Variants in MGST1 observed in about 807,000 individuals in gnomAD.
MGST1 encodes glutathione S-transferase 12.
Under a neutral mutation model 8.9 loss-of-function variants are expected in MGST1, and 5 were observed. The ratio of observed to expected loss-of-function variants is 0.56; its 90% CI spans 0.29 to 1.19. The LOEUF (loss-of-function observed/expected upper bound fraction) is 1.19, where lower values mean the gene tolerates loss of function less well. MGST1 is among the 50% of genes most tolerant of loss of function. MGST1 has a pLI of 0.08. For synonymous variants in MGST1, 54 were observed against 67.8 expected, an observed-to-expected ratio of 0.80 and a Z score of 1.00; for missense variants, 182 against 187.4, an observed-to-expected ratio of 0.97 and a Z score of 0.17.
At chr12:16,441,091 G>T (rs905729357), downstream of MGST1, among the ~76,000 whole-genome samples, 16 of 151,464 alleles carry the variant, frequency 1.1e-4, no homozygotes, top group East Asian at 2.9e-3. Context: ...TATATATTTG[G>T]ATACAATTCC....
downstream of MGST1, among the ~76,000 whole-genome samples, chr12:16,590,130 C>T (rs954850113): frequency 6.6e-6 from 1 of 152,012 alleles, no homozygotes; most frequent in East Asian, 1.9e-4. Context: ...TAAACTTAAA[C>T]ATTTTTAAAA....
chr12:16,464,195 C>T (rs749750645), intron 4 of MGST1, among the ~76,000 whole-genome samples: 23 of 152,108 alleles, frequency 1.5e-4, no homozygotes, highest in Non-Finnish European at 2.4e-4. Context: ...AATGGTCAAC[C>T]GCAGTTACTA....
rs920122313 is a variant in MGST1 at position 16,585,872 on chromosome 12, G to A, written n.483-3656G>A. 6.6e-6 allele frequency among the ~76,000 whole-genome samples: 1 copy of A among 152,094 alleles called. No individual in the cohort carries two copies. On this transcript the variant is annotated intron_variant and non_coding_transcript_variant, in intron 4 of 4. Transcript: ENST00000538857. The surrounding 1 kb of genome is among the most constrained non-coding windows in gnomAD (Gnocchi z 4.7). ...ATGTCAACATGTATATGATTCACAG[G>A]CCCAAGTAAAACATCATTTAGTCAT...
rs918851757 is a variant in MGST1, at chr12:16,556,811, G to A, written n.483-32717G>A. Among the ~76,000 whole-genome samples the A allele has an allele frequency of 5.9e-5, 9 of 152,092 alleles. No individual in the cohort carries two copies. The East Asian group carries it at 1.2e-3, about 20-fold the overall frequency. Reference sequence around the variant, plus strand: ...ACTGATGAAGATTAGCTGACTTCCCGCATTAGTTTGTCTTGTAGGGGCTGA... The same window carrying A: ...ACTGATGAAGATTAGCTGACTTCCCACATTAGTTTGTCTTGTAGGGGCTGA... On this transcript the variant is annotated intron_variant and non_coding_transcript_variant, in intron 4 of 4. Transcript: ENST00000538857.
chr12:16,453,090 G>C (rs1047382033), intron 4 of MGST1, among the ~76,000 whole-genome samples: 4 of 151,878 alleles, frequency 2.6e-5, no homozygotes, highest in African/African-American at 9.7e-5. Flanking sequence ...AGTCTTATAA[G>C]AAAAACAAAA....
At chr12:16,488,313 C>A (rs1941413655) in intron 4 of MGST1, among the ~76,000 whole-genome samples, 1 of 152,258 alleles carries the variant, frequency 6.6e-6, no homozygotes, top group African/African-American at 2.4e-5. Flanking sequence ...ATACTTAGAG[C>A]ATGTAAGACC....
intron 1 of MGST1, among the ~76,000 whole-genome samples, chr12:16,393,332 T>C (rs1369762103): frequency 1.3e-5 from 2 of 152,222 alleles, no homozygotes; most frequent in Non-Finnish European, 1.5e-5. Context: ...AGCTTTAGCT[T>C]CCTGCAGTTT....
chr12:16,581,879 A>T (rs537909856), intron 4 of MGST1, among the ~76,000 whole-genome samples: 8 of 152,110 alleles, frequency 5.3e-5, no homozygotes, highest in African/African-American at 1.9e-4. Context: ...TATAAATTTG[A>T]TTTACTTTTT....
At chr12:16,561,977 T>C (rs1199304238) in intron 4 of MGST1, among the ~76,000 whole-genome samples, 1 of 152,220 alleles carries the variant, frequency 6.6e-6, no homozygotes, top group Non-Finnish European at 1.5e-5. Context: ...TTTTCCTTAA[T>C]GAATTAAAAA....
chr12:16,568,024 A>AT (rs1274694892), intron 4 of MGST1, among the ~76,000 whole-genome samples: 7 of 152,144 alleles, frequency 4.6e-5, no homozygotes, highest in African/African-American at 1.7e-4. Context: ...TAACTGTTTG[A>AT]TTTTTTGGAA....
intron 4 of MGST1, among the ~76,000 whole-genome samples, chr12:16,526,057 T>C (rs977812871): frequency 1.4e-5 from 2 of 144,844 alleles, no homozygotes; most frequent in African/African-American, 2.7e-5. Context: ...CTTTGTCAGA[T>C]GAGTAGGTTG....
intron 4 of MGST1, among the ~76,000 whole-genome samples, chr12:16,529,268 G>A (rs1000804562): frequency 1.1e-4 from 16 of 151,830 alleles, no homozygotes; most frequent in African/African-American, 3.1e-4. Context: ...TTTCATTTCC[G>A]AGATTACCCA....
intron 1 of MGST1, among the ~76,000 whole-genome samples, chr12:16,404,369 CT>C (rs1215089080): frequency 4.6e-5 from 7 of 151,938 alleles, no homozygotes; most frequent in Non-Finnish European, 7.4e-5. Flanking sequence ...TAATTAGATT[CT>C]TTTTAAAAAT....
chr12:16,578,127 G>T (rs1943050881), intron 4 of MGST1, among the ~76,000 whole-genome samples: 1 of 152,058 alleles, frequency 6.6e-6, no homozygotes, highest in African/African-American at 2.4e-5. Context: ...GTCTTGCCAG[G>T]CAACAGAGAC....
chr12:16,463,984 G>C (rs1290874015), intron 4 of MGST1, among the ~76,000 whole-genome samples: 1 of 152,208 alleles, frequency 6.6e-6, no homozygotes, highest in Non-Finnish European at 1.5e-5. Context: ...CACAGGGCAT[G>C]GTTGTTAAGA....
At chr12:16,466,593 A>C (rs1474419306) in intron 4 of MGST1, among the ~76,000 whole-genome samples, 2 of 152,220 alleles carry the variant, frequency 1.3e-5, no homozygotes, top group Non-Finnish European at 2.9e-5. Flanking sequence ...AGCCACTTGA[A>C]TAAAGGAAGG....
intron 4 of MGST1, among the ~76,000 whole-genome samples, chr12:16,460,230 T>C (rs1036114973): frequency 1.3e-5 from 2 of 152,144 alleles, no homozygotes; most frequent in East Asian, 3.9e-4. Flanking sequence ...AGTGCAATGT[T>C]TGGATGAAAA....
At chr12:16,395,804 T>TACACACACACACAC (rs61693803) in intron 1 of MGST1, among the ~76,000 whole-genome samples, 2 of 123,692 alleles carry the variant, frequency 1.6e-5, no homozygotes, top group African/African-American at 6.9e-5. Context: ...TATATATATA[T>TACACACACACACAC]ACACACACAC....
intron 3 of MGST1, among the ~76,000 whole-genome samples, chr12:16,375,592 T>C (rs975800664): frequency 3.9e-5 from 6 of 151,924 alleles, no homozygotes; most frequent in Admixed American, 6.6e-5. Flanking sequence ...GCAATCTGCA[T>C]AGTGTGGCAT....
Sources: allele counts gnomAD v4.1 joint callset (sites outside exome capture counted in the v4.1 genomes callset), GRCh38; gene constraint gnomAD v4.1.1; non-coding constraint Gnocchi (gnomAD v3.1); transcripts MANE v1.5; gene names NCBI Gene and HGNC (gene_info 2026-07-23, HGNC 2026-07-21).